IMMT: variants seen among roughly 807,000 people sequenced by gnomAD.
IMMT encodes inner membrane mitochondrial protein, also known as MICOS complex subunit MIC60.
Under a neutral mutation model 92.7 loss-of-function variants are expected in IMMT, and 40 were observed. That is an observed-to-expected ratio of 0.43 (90% CI 0.34 to 0.56). The LOEUF is 0.56. Among genes scored for constraint, IMMT ranks in the 20% least tolerant of loss-of-function variants. The probability of loss-of-function intolerance (pLI) is 0.03; values close to 1 mark genes in which losing one functional copy is unlikely to be tolerated. For synonymous variants in IMMT, 322 were observed against 336.1 expected, an observed-to-expected ratio of 0.96 and a Z score of 0.46; for missense variants, 831 against 912.1, an observed-to-expected ratio of 0.91 and a Z score of 1.14.
intron 12 of IMMT, among the ~76,000 whole-genome samples, chr2:86,150,833 T>A (rs958272154): frequency 6.6e-6 from 1 of 152,148 alleles, no homozygotes; most frequent in Non-Finnish European, 1.5e-5. Context: ...CTAGAAGTTC[T>A]GATGAGGGGA....
intron 12 of IMMT, among the ~76,000 whole-genome samples, chr2:86,148,613 A>G (rs1466679311): frequency 2.0e-5 from 3 of 152,200 alleles, no homozygotes; most frequent in Non-Finnish European, 4.4e-5. Context: ...CTCCATCTCA[A>G]AAAGAAAAAA....
chr2:86,169,610 A>G (rs1024533567), intron 6 of IMMT, among the ~76,000 whole-genome samples: 5 of 152,244 alleles, frequency 3.3e-5, no homozygotes, highest in Non-Finnish European at 5.9e-5. Context: ...CTCCAGAGAC[A>G]TCAACATATT....
intron 10 of IMMT, among the ~76,000 whole-genome samples, chr2:86,156,107 C>T (rs925207354): frequency 1.4e-4 from 21 of 152,058 alleles, no homozygotes; most frequent in Admixed American, 1.4e-3. Context: ...CCTTCTGGTC[C>T]GGACAGTTCT....
At chr2:86,164,369 C>T (rs1424564548) in intron 7 of IMMT, among the ~76,000 whole-genome samples, 2 of 151,438 alleles carry the variant, frequency 1.3e-5, no homozygotes, top group African/African-American at 4.8e-5. Flanking sequence ...CTTTAGTCAT[C>T]TTGAAAATAA....
intron 2 of IMMT, among the ~76,000 whole-genome samples, 161 bp downstream of exon 2, chr2:86,181,137 CA>C (rs1250813773): frequency 1.3e-5 from 2 of 152,148 alleles, no homozygotes; most frequent in Non-Finnish European, 2.9e-5. Flanking sequence ...TACCTACAAA[CA>C]ATGCTCCAGA....
intron 2 of IMMT, among the ~76,000 whole-genome samples, chr2:86,180,076 T>C (rs1672328901): frequency 6.7e-6 from 1 of 148,998 alleles, no homozygotes; most frequent in Non-Finnish European, 1.5e-5. Context: ...AGACCTTGTC[T>C]CAAAAAATAA....
At chr2:86,192,589 T>C (rs1403598673) in intron 1 of IMMT, among the ~76,000 whole-genome samples, 1 of 152,000 alleles carries the variant, frequency 6.6e-6, no homozygotes, top group East Asian at 1.9e-4. Flanking sequence ...CACAGTTCCA[T>C]TGTGGAGCTT....
rs547347985 is a variant in IMMT at position 86,145,915 on chromosome 2, CA to C, written c.1663+152del. On this transcript the variant is annotated intron_variant, in intron 14 of 14. Transcript: ENST00000410111. The stretch of plus-strand genomic sequence containing the variant: ...AAATTTCTAGTTATATAGATTTTGC[CA>C]TTACTTTTAATGGCAAAAACTGCAA... 1.6e-4 allele frequency among the ~76,000 whole-genome samples: 25 copies of C among 152,228 alleles called. No individual in the cohort carries two copies. The East Asian group carries it at 4.6e-3, about 28-fold the overall frequency.
chr2:86,178,453 C>G (rs1370069453), intron 3 of IMMT, among the ~76,000 whole-genome samples: 1 of 151,746 alleles, frequency 6.6e-6, no homozygotes, highest in Non-Finnish European at 1.5e-5. Context: ...GGTAAAACCC[C>G]GTCCCTACTA....
rs773369469 is a variant in IMMT, at chr2:86,144,731, T to A, written c.1814A>T (p.Asp605Val). 9 of 1,613,816 alleles carry A rather than the reference T, an allele frequency of 5.6e-6. No individual in the cohort carries two copies. The Middle Eastern group carries it at 5.0e-4, about 89-fold the overall frequency. Residue 605 changes from aspartate (D) to valine (V), a missense_variant, in exon 15 of 15, where the codon GAT (aspartate) becomes GTT (valine). Physicochemically the swap from Asp to Val is radical, Grantham distance 152. Transcript: ENST00000410111. The part of the protein sequence containing the change: ...AVEAIKANCS[D>V]NEFTQALTAA... ...GGTTAAAGCTTGGGTGAATTCATTA[T>A]CAGAACAGTTGGCTTTGATGGCCTC... is the stretch of plus-strand genomic sequence containing the variant.
intron 1 of IMMT, among the ~76,000 whole-genome samples, chr2:86,191,747 C>CAAAAAAAAAAAAAAAAAAA (rs572412565): frequency 8.6e-6 from 1 of 116,872 alleles, no homozygotes. Flanking sequence ...ACTAAAAATA[C>CAAAAAAAAAAAAAAAAAAA]AAAAAAAAAA....
chr2:86,179,061 CAAAACA>C (rs578162007), intron 3 of IMMT, among the ~76,000 whole-genome samples: 136 of 152,202 alleles, frequency 8.9e-4, no homozygotes, highest in Admixed American at 1.4e-3. Flanking sequence ...AACTCTGTCT[CAAAACA>C]AAAACAAAAA....
intron 3 of IMMT, 63 bp downstream of exon 3, chr2:86,179,370 T>G: frequency 7.4e-7 from 1 of 1,350,416 alleles, no homozygotes; most frequent in Non-Finnish European, 1.0e-6. Context: ...ATTTTCAACA[T>G]GAAAACAACT....
At chr2:86,156,366 T>C (rs1369376800) in intron 10 of IMMT, among the ~76,000 whole-genome samples, 1 of 151,900 alleles carries the variant, frequency 6.6e-6, no homozygotes, top group East Asian at 1.9e-4. Flanking sequence ...CCGAGGTAGA[T>C]GGATAATTTG....
At chr2:86,177,631 G>C (rs865865402) in intron 3 of IMMT, among the ~76,000 whole-genome samples, 8 of 151,970 alleles carry the variant, frequency 5.3e-5, no homozygotes, top group South Asian at 2.1e-4. Flanking sequence ...AAATTTTAAG[G>C]CTGGTGAGAA....
intron 1 of IMMT, among the ~76,000 whole-genome samples, chr2:86,187,246 T>G (rs1004390980): frequency 2.0e-5 from 3 of 152,206 alleles, no homozygotes; most frequent in Non-Finnish European, 4.4e-5. Flanking sequence ...AACCACCATG[T>G]ACTTTCTGTT....
At position 86,151,366 on chromosome 2, in the gene IMMT, T is replaced by C; in HGVS notation, c.1332A>G (p.Ala444=). Residue 444 remains alanine, a synonymous_variant, in exon 12 of 15, where the codon GCA becomes GCG. Transcript: ENST00000410111. ...ATGCTTTTGCTACTGCAGAGTCAAA[T>C]GCCCGCTTTTCTTCCAGCTTTTGTT... ...LEKQKLEEKR[A]FDSAVAKALE... 1.9e-6 allele frequency: 3 copies of C among 1,614,068 alleles called. No individual in the cohort carries two copies. The highest frequency in any genetic ancestry group is 2.5e-6 in the Non-Finnish European group (3 of 1,179,908).
At chr2:86,144,960 A>C in intron 14 of IMMT, 79 bp from the exon 15 acceptor site, 1 of 1,466,266 alleles carries the variant, frequency 6.8e-7, no homozygotes, top group South Asian at 1.4e-5. Flanking sequence ...TGCACATTCA[A>C]CAAGCTACAT....
At chr2:86,191,667 G>A (rs535418197) in intron 1 of IMMT, among the ~76,000 whole-genome samples, 21 of 151,442 alleles carry the variant, frequency 1.4e-4, no homozygotes, top group African/African-American at 4.8e-4. Context: ...ACTTTGGGAG[G>A]CCAAGGTGGG....
Sources: gnomAD v4.1 joint callset for allele counts (sites outside exome capture counted in the v4.1 genomes callset) on GRCh38, gnomAD v4.1.1 for gene constraint, MANE v1.5 for transcripts, NCBI Gene and HGNC (gene_info 2026-07-23, HGNC 2026-07-21) for gene names.